TTC29: variants seen among roughly 807,000 people sequenced by gnomAD.
TTC29 encodes the protein tetratricopeptide repeat protein 29.
TTC29 carries 49 observed loss-of-function variants against 58.1 expected under a neutral mutation model. The observed-to-expected ratio is 0.84, with a 90% CI of 0.67 to 1.07. The LOEUF (loss-of-function observed/expected upper bound fraction) is 1.07. TTC29 is among the 50% of genes least tolerant of loss of function. The pLI, the probability that TTC29 is intolerant of heterozygous loss-of-function variation, is 0.00. For missense variants in TTC29, 582 were observed against 555.6 expected (o/e 1.05, Z -0.48); for synonymous variants, 209 against 196.8 (o/e 1.06, Z -0.52).
chr4:146,942,155 A>G (rs1235624364), intron 2 of TTC29, among the ~76,000 whole-genome samples: 1 of 152,228 alleles, frequency 6.6e-6, no homozygotes, highest in African/African-American at 2.4e-5. Context: ...TTTAAATATA[A>G]CAGAATCCTA....
At chr4:146,922,177 A>C (rs1734637743) in intron 4 of TTC29, among the ~76,000 whole-genome samples, 1 of 151,512 alleles carries the variant, frequency 6.6e-6, no homozygotes, top group Admixed American at 6.6e-5. Flanking sequence ...TTTAAAAAGA[A>C]GGCTATAGAT....
intron 4 of TTC29, among the ~76,000 whole-genome samples, chr4:146,911,480 C>T (rs1052440029): frequency 6.6e-6 from 1 of 152,130 alleles, no homozygotes; most frequent in Non-Finnish European, 1.5e-5. Flanking sequence ...GAGATGGACA[C>T]ATGTAAAGGA....
chr4:146,710,516 A>C (rs1165086625), intron 11 of TTC29, among the ~76,000 whole-genome samples: 1 of 152,128 alleles, frequency 6.6e-6, no homozygotes, highest in African/African-American at 2.4e-5. Context: ...AGTGTTAGAC[A>C]TTGGGTACTC....
At chr4:146,819,748 G>A (rs1751689206) in intron 10 of TTC29, among the ~76,000 whole-genome samples, 3 of 152,156 alleles carry the variant, frequency 2.0e-5, no homozygotes, top group Admixed American at 2.0e-4. Flanking sequence ...AAAGAATTTG[G>A]AGCGAGAGAG....
Position 146,867,552 on chromosome 4 carries a change from A to G in TTC29, c.831T>C (p.Ser277=). Residue 277 remains serine (S), a synonymous_variant, in exon 8 of 13, where the codon TCT becomes TCC. Transcript: ENST00000325106. ...GSDKKMEAEA[S]YYLGLAHLAA... ...CTAAGTGTGCTAAGCCCAAGTAGTAAGAGGCTTCCGCTTCCATCTTTTTGT... is the reference window on the plus strand; with the variant it reads ...CTAAGTGTGCTAAGCCCAAGTAGTAGGAGGCTTCCGCTTCCATCTTTTTGT... 1 of 1,554,176 alleles carries G rather than the reference A, an allele frequency of 6.4e-7. No homozygotes were observed. Among genetic ancestry groups the G allele is most frequent in the Non-Finnish European group, 8.7e-7 (1 of 1,148,338 alleles).
chr4:146,932,507 T>C (rs1434329726), intron 4 of TTC29, among the ~76,000 whole-genome samples: 1 of 152,192 alleles, frequency 6.6e-6, no homozygotes, highest in African/African-American at 2.4e-5. Flanking sequence ...TAAAGAATTA[T>C]GAAATATTGT....
chr4:146,770,211 T>TAAC (rs773989395), intron 11 of TTC29, among the ~76,000 whole-genome samples: 27 of 151,916 alleles, frequency 1.8e-4, no homozygotes, highest in Non-Finnish European at 3.2e-4. Flanking sequence ...TTAAAAAAAC[T>TAAC]AACAGTGGAG....
At chr4:146,713,009 T>G (rs1361284253) in intron 11 of TTC29, among the ~76,000 whole-genome samples, 2 of 152,036 alleles carry the variant, frequency 1.3e-5, no homozygotes, top group African/African-American at 4.8e-5. Context: ...TGACTCCCTT[T>G]GGCTAAATAC....
At chr4:146,930,569 A>G (rs1735264388) in intron 4 of TTC29, among the ~76,000 whole-genome samples, 1 of 152,194 alleles carries the variant, frequency 6.6e-6, no homozygotes, top group South Asian at 2.1e-4. Flanking sequence ...GGATACGGGT[A>G]TAGGCCAGGG....
intron 8 of TTC29, among the ~76,000 whole-genome samples, chr4:146,865,338 TAGA>T (rs1228238368): frequency 3.3e-5 from 5 of 152,190 alleles, no homozygotes; most frequent in African/African-American, 1.2e-4. Context: ...TGCCCAGCAG[TAGA>T]AGATGTTTGA....
intron 11 of TTC29, among the ~76,000 whole-genome samples, chr4:146,785,770 A>G (rs191636108): frequency 1.3e-5 from 2 of 152,174 alleles, no homozygotes; most frequent in Non-Finnish European, 2.9e-5. Context: ...ATAATAAAAG[A>G]TGACATTTCT....
chr4:146,885,502 A>G (rs568034467), intron 6 of TTC29, among the ~76,000 whole-genome samples: 7 of 152,192 alleles, frequency 4.6e-5, no homozygotes, highest in South Asian at 4.1e-4. Flanking sequence ...ACGACATTCC[A>G]TATTATTTAT....
At chr4:146,753,445 C>T (rs368253970) in intron 11 of TTC29, among the ~76,000 whole-genome samples, 2 of 152,338 alleles carry the variant, frequency 1.3e-5, no homozygotes, top group East Asian at 3.9e-4. Context: ...CACTTTTACA[C>T]TGTTGGTGGG....
chr4:146,772,465 C>T (rs1747809415), intron 11 of TTC29, among the ~76,000 whole-genome samples: 1 of 152,048 alleles, frequency 6.6e-6, no homozygotes, highest in East Asian at 1.9e-4. Context: ...CCCAGTTATC[C>T]CAGAACCATT....
At chr4:146,895,982 T>G (rs1423817576) in intron 6 of TTC29, among the ~76,000 whole-genome samples, 6 of 152,172 alleles carry the variant, frequency 3.9e-5, no homozygotes, top group Non-Finnish European at 8.8e-5. Flanking sequence ...TGTACAATAG[T>G]AAATATTAAA....
At chr4:146,732,071 G>A (rs563075508) in intron 11 of TTC29, among the ~76,000 whole-genome samples, 14 of 152,190 alleles carry the variant, frequency 9.2e-5, no homozygotes, top group African/African-American at 3.1e-4. Context: ...CCTTTTGTTT[G>A]TATTTTTGAT....
chr4:146,709,120 G>A (rs58768908), intron 11 of TTC29, among the ~76,000 whole-genome samples: 11,590 of 152,022 alleles, frequency 0.076, 531 homozygotes, highest in East Asian at 0.17. Context: ...TCTTAATTTA[G>A]TAATTTCAAT....
Position 146,795,132 on chromosome 4 carries a change from G to A in TTC29, c.1330+8325C>T, listed in dbSNP as rs548653387. On this transcript the variant is annotated intron_variant, in intron 11 of 12. Coordinates refer to ENST00000325106, the MANE Select transcript of TTC29 (RefSeq NM_031956.4). ...GAATGAAATGAAAGGAAGAGAAAAC[G>A]TGAGTATAATGTAGTGTGAAAAGAT... 5.3e-5 allele frequency among the ~76,000 whole-genome samples: 8 copies of A among 152,224 alleles called. No homozygotes were observed. The South Asian group carries it at 8.3e-4, about 16-fold the overall frequency.
intron 6 of TTC29, among the ~76,000 whole-genome samples, chr4:146,887,457 G>C (rs1732063111): frequency 6.6e-6 from 1 of 151,970 alleles, no homozygotes; most frequent in Non-Finnish European, 1.5e-5. Context: ...TATTTGTGTA[G>C]AGTATGATAG....
Sources: allele counts gnomAD v4.1 joint callset (sites outside exome capture counted in the v4.1 genomes callset), GRCh38; gene constraint gnomAD v4.1.1; transcripts MANE v1.5; gene names NCBI Gene and HGNC (gene_info 2026-07-23, HGNC 2026-07-21).